P2RX5: variants seen among roughly 807,000 people sequenced by gnomAD.
The protein encoded by P2RX5 is purinergic receptor P2X 5, also known as P2X purinoceptor 5.
Under a neutral mutation model 54.1 loss-of-function variants are expected in P2RX5, and 46 were observed. The ratio of observed to expected loss-of-function variants is 0.85; its 90% confidence interval spans 0.67 to 1.09. The LOEUF is 1.09. Among genes scored for constraint, P2RX5 ranks in the 50% least tolerant of loss-of-function variants. The probability of loss-of-function intolerance (pLI) is 0.00; values close to 1 mark genes in which losing one functional copy is unlikely to be tolerated. For missense variants in P2RX5, 566 were observed against 549.8 expected (o/e 1.03, Z -0.29); for synonymous variants, 226 against 226.4 (o/e 1.00, Z 0.02).
rs752550473 is a variant in P2RX5, at chr17:3,695,856, G to A, written c.137+13C>T. 4 of 1,476,574 alleles carry A rather than the reference G, an allele frequency of 2.7e-6. No individual in the cohort carries two copies. Among genetic ancestry groups the A allele is most frequent in the African/African-American group, 2.8e-5 (2 of 71,528 alleles). 91.5% of individuals were successfully genotyped at this position (1,476,574 alleles called of 1,614,324 possible). On this transcript the variant is annotated intron_variant, in intron 1 of 11. Transcript: ENST00000225328. ...CCCTCCCCCGCCTTCCCAAAAGTCC[G>A]CGGAGAACTTACACGACCAGGTACG...
At chr17:3,717,372 A>G in the P2RX5 span, 2 of 152,476 alleles carry the variant, frequency 1.3e-5, no homozygotes, top group Middle Eastern at 3.4e-3. Context: ...TAATAAATGC[A>G]AATTATATCC....
chr17:3,699,068 C>CACACAT (rs2050798226), upstream of P2RX5, among the ~76,000 whole-genome samples: 1 of 92,346 alleles, frequency 1.1e-5, no homozygotes, highest in Non-Finnish European at 2.6e-5. Context: ...CACACACACA[C>CACACAT]ACACACACAC....
intron 10 of P2RX5, among the ~76,000 whole-genome samples, chr17:3,680,511 A>ATCCTCCACCCTGCC (rs2050234104): frequency 1.3e-5 from 1 of 74,680 alleles, no homozygotes; most frequent in Non-Finnish European, 2.5e-5. Context: ...TCCACCCTGC[A>ATCCTCCACCCTGCC]TCCTCCACCC....
At chr17:3,722,979 A>G in the P2RX5 span, among the ~76,000 whole-genome samples, 7 of 152,210 alleles carry the variant, frequency 4.6e-5, no homozygotes, top group Non-Finnish European at 1.0e-4. Flanking sequence ...ACGGCAGTGG[A>G]AATGGAGAGA....
chr17:3,673,653 C>CA lies in P2RX5; in HGVS notation c.*214dup, dbSNP rs2142993512. 1 of 1,445,484 alleles carries CA rather than the reference C, an allele frequency of 6.9e-7. No homozygotes were observed. Among genetic ancestry groups the CA allele is most frequent in the East Asian group, 2.5e-5 (1 of 39,738 alleles). 89.5% of individuals were successfully genotyped at this position (1,445,484 alleles called of 1,614,324 possible). On this transcript the variant is annotated 3_prime_UTR_variant, in exon 12 of 12. Transcript: ENST00000225328. ...GAAGAACTGACGGCAGGGGGTGGGGCAAAAAGACAGCCATGATGGGTCCGT... is the reference window on the plus strand; with the variant it reads ...GAAGAACTGACGGCAGGGGGTGGGGCAAAAAAGACAGCCATGATGGGTCCGT...
the P2RX5 span, among the ~76,000 whole-genome samples, chr17:3,708,492 AT>A: frequency 6.6e-6 from 1 of 152,132 alleles, no homozygotes; most frequent in East Asian, 1.9e-4. Flanking sequence ...GGAAAAATAC[AT>A]GGCCTTGCCA....
chr17:3,689,778 G>T, intron 6 of P2RX5, 148 bp from the exon 7 acceptor site: 1 of 1,039,966 alleles, frequency 9.6e-7, no homozygotes, highest in Admixed American at 1.8e-5. Flanking sequence ...GGGCGCCCCA[G>T]CACCACCCAC....
the P2RX5 span, among the ~76,000 whole-genome samples, chr17:3,713,870 C>A: frequency 6.6e-6 from 1 of 152,092 alleles, no homozygotes; most frequent in Admixed American, 6.6e-5. Context: ...AATTAAAACC[C>A]CAAAGAGTTT....
chr17:3,693,836 T>C (rs1044478130), intron 1 of P2RX5, among the ~76,000 whole-genome samples: 1 of 152,160 alleles, frequency 6.6e-6, no homozygotes, highest in African/African-American at 2.4e-5. Context: ...TCTTCTTTTT[T>C]TTTTTTTGAG....
intron 1 of P2RX5, 35 bp downstream of exon 1, chr17:3,695,823 CGCCCTGCCCCT>C: frequency 6.3e-7 from 1 of 1,589,496 alleles, no homozygotes; most frequent in Non-Finnish European, 8.6e-7. Context: ...GGCTGGCACC[CGCCCTGCCCCT>C]CCCCCGCCTT....
At chr17:3,683,210 G>A (rs1362328042) in intron 9 of P2RX5, among the ~76,000 whole-genome samples, 1 of 152,134 alleles carries the variant, frequency 6.6e-6, no homozygotes, top group Non-Finnish European at 1.5e-5. Flanking sequence ...AATGATAGAG[G>A]AGAGTGGAGG....
intron 1 of P2RX5, among the ~76,000 whole-genome samples, chr17:3,692,253 C>G (rs1438389929): frequency 6.6e-6 from 1 of 151,852 alleles, no homozygotes; most frequent in East Asian, 1.9e-4. Context: ...GGAGGCAGAG[C>G]TTGCAGTAAG....
Position 3,688,609 on chromosome 17 carries a change from C to T in P2RX5, c.887+17G>A. Reference sequence around the variant, plus strand: ...TGATCATGGTCAGGTCACAAGTGGGCACAAGGCAGCGGTTACCTGAAGTTG... The same window carrying T: ...TGATCATGGTCAGGTCACAAGTGGGTACAAGGCAGCGGTTACCTGAAGTTG... On this transcript the variant is annotated intron_variant, in intron 8 of 11. Coordinates refer to ENST00000225328, the MANE Select transcript of P2RX5 (RefSeq NM_002561.4). 6.2e-7 allele frequency: 1 copy of T among 1,613,966 alleles called. No homozygotes were observed. The highest frequency in any genetic ancestry group is 1.7e-5 in the Admixed American group (1 of 60,030).
chr17:3,678,175 A>T, intron 11 of P2RX5: 8 of 914,812 alleles, frequency 8.7e-6, no homozygotes, highest in Non-Finnish European at 9.1e-6. Flanking sequence ...GGCAGAGAGG[A>T]CTGTCGGGAG....
chr17:3,675,431 T>C (rs1213221749), intron 11 of P2RX5: 14 of 985,268 alleles, frequency 1.4e-5, no homozygotes, highest in Admixed American at 6.1e-5. Context: ...CTGGTTAAAA[T>C]CAGCAGCCAT....
At chr17:3,707,927 G>A in the P2RX5 span, among the ~76,000 whole-genome samples, 2 of 151,910 alleles carry the variant, frequency 1.3e-5, no homozygotes, top group East Asian at 1.9e-4. Flanking sequence ...GCTTGGTGGC[G>A]GGCGCCTGTA....
intron 9 of P2RX5, among the ~76,000 whole-genome samples, chr17:3,684,550 C>T (rs933244640): frequency 1.3e-5 from 2 of 152,212 alleles, no homozygotes; most frequent in Non-Finnish European, 2.9e-5. Context: ...TGCAGTGAGC[C>T]ATGATCATGC....
the P2RX5 span, chr17:3,723,816 G>C: frequency 6.4e-7 from 1 of 1,571,992 alleles, no homozygotes; most frequent in South Asian, 1.2e-5. Context: ...TCCCGGCCCC[G>C]GCCCTGGCGA....
At chr17:3,674,096 C>T (rs1324794580) in intron 11 of P2RX5, among the ~76,000 whole-genome samples, 8 of 152,082 alleles carry the variant, frequency 5.3e-5, no homozygotes, top group African/African-American at 1.9e-4. Flanking sequence ...GGGCGGATCA[C>T]GAGGTCAGGA....
Sources: gnomAD v4.1 joint callset for allele counts (sites outside exome capture counted in the v4.1 genomes callset) on GRCh38, gnomAD v4.1.1 for gene constraint, MANE v1.5 for transcripts, NCBI Gene and HGNC (gene_info 2026-07-23, HGNC 2026-07-21) for gene names.